The following ESRRG variants were observed in gnomAD, a reference collection of about 807,000 sequenced individuals.
The protein encoded by ESRRG is estrogen-related receptor gamma.
In ESRRG, 13 loss-of-function variants were observed where a neutral mutation model predicts 44.0. The ratio of observed to expected loss-of-function variants is 0.30; its 90% CI spans 0.19 to 0.47. The LOEUF is 0.47. Ranked by LOEUF, ESRRG falls within the 20% of genes least tolerant of loss-of-function variation. The pLI is 1.00. For missense variants in ESRRG, 395 were observed against 580.6 expected, an observed-to-expected ratio of 0.68 and a Z score of 3.29; for synonymous variants, 215 against 214.6, an observed-to-expected ratio of 1.00 and a Z score of -0.02.
At chr1:216,534,156 G>T (rs2050207853) in intron 5 of ESRRG, among the ~76,000 whole-genome samples, 1 of 152,146 alleles carries the variant, frequency 6.6e-6, no homozygotes, top group Non-Finnish European at 1.5e-5. Flanking sequence ...CTTGGGAAAG[G>T]TAGTTGCTCC....
At chr1:216,809,334 A>G (rs933388906) in intron 2 of ESRRG, among the ~76,000 whole-genome samples, 2 of 151,634 alleles carry the variant, frequency 1.3e-5, no homozygotes, top group African/African-American at 4.8e-5. Context: ...GTAAAAAAAA[A>G]AAAAAAAAAA....
chr1:216,580,363 A>T (rs2062523849), intron 3 of ESRRG, among the ~76,000 whole-genome samples: 1 of 152,194 alleles, frequency 6.6e-6, no homozygotes, highest in South Asian at 2.1e-4. Context: ...AGTATAGAAA[A>T]CTTGAAGATA....
intron 1 of ESRRG, among the ~76,000 whole-genome samples, chr1:216,704,280 G>A (rs369680160): frequency 2.0e-5 from 3 of 152,264 alleles, no homozygotes; most frequent in South Asian, 2.1e-4. Context: ...TTGGAAGGCC[G>A]AGGCGGGTGG....
At chr1:216,940,460 C>T (rs1301713309) in intron 1 of ESRRG, among the ~76,000 whole-genome samples, 2 of 152,188 alleles carry the variant, frequency 1.3e-5, no homozygotes, top group African/African-American at 4.8e-5. Context: ...CTGTGCCGAA[C>T]TTGCAGCTCA....
intron 1 of ESRRG, among the ~76,000 whole-genome samples, chr1:217,109,677 C>T (rs545254998): frequency 6.6e-6 from 1 of 152,272 alleles, no homozygotes; most frequent in South Asian, 2.1e-4. Context: ...CTTCACCTGC[C>T]CCACCTGCTC....
At chr1:216,906,787 C>T (rs922644092) in intron 2 of ESRRG, among the ~76,000 whole-genome samples, 5 of 152,132 alleles carry the variant, frequency 3.3e-5, no homozygotes, top group Non-Finnish European at 5.9e-5. Context: ...TATAGAACTT[C>T]GCTTTCTCTT....
At chr1:216,947,938 G>A (rs2066321855) in intron 1 of ESRRG, among the ~76,000 whole-genome samples, 1 of 152,046 alleles carries the variant, frequency 6.6e-6, no homozygotes, top group Non-Finnish European at 1.5e-5. Context: ...TATCCCATAT[G>A]GTCTCCTTTT....
Position 216,941,351 on chromosome 1 carries a change from T to C in ESRRG, c.-105-1678A>G, listed in dbSNP as rs369768622. Among the ~76,000 whole-genome samples the C allele has an allele frequency of 7.2e-5, 11 of 152,292 alleles. No homozygotes were observed. In the South Asian group the frequency reaches 1.7e-3, roughly 23 times the overall value. On this transcript the variant is annotated intron_variant, in intron 1 of 7. Coordinates refer to the ESRRG transcript ENST00000359162. ...CTTCAGGTGCTGATTTCAACAGTTA[T>C]ATGGCTGCTTTCTGTGTAATATTGC...
At chr1:216,977,681 C>A (rs574983426) in intron 1 of ESRRG, among the ~76,000 whole-genome samples, 84 of 152,234 alleles carry the variant, frequency 5.5e-4, no homozygotes, top group Non-Finnish European at 7.5e-4. Flanking sequence ...TCTGCAACAT[C>A]CTGCATTGGT....
intron 1 of ESRRG, among the ~76,000 whole-genome samples, chr1:216,962,319 T>C (rs957424091): frequency 6.6e-6 from 1 of 151,688 alleles, no homozygotes; most frequent in Non-Finnish European, 1.5e-5. Context: ...CAACTAGGAA[T>C]CTCTGGTCAA....
At chr1:216,730,757 A>G (rs2088610623) in intron 2 of ESRRG, among the ~76,000 whole-genome samples, 1 of 152,190 alleles carries the variant, frequency 6.6e-6, no homozygotes, top group Admixed American at 6.5e-5. Flanking sequence ...AAGAGATAAG[A>G]TGATTGGAAA....
At chr1:217,037,657 G>A (rs768451833) in intron 1 of ESRRG, among the ~76,000 whole-genome samples, 1 of 151,898 alleles carries the variant, frequency 6.6e-6, no homozygotes, top group East Asian at 1.9e-4. Context: ...AACCAATCAC[G>A]CCATCCCAAT....
At chr1:217,074,292 AC>A (rs1457721939) in intron 1 of ESRRG, among the ~76,000 whole-genome samples, 3 of 151,612 alleles carry the variant, frequency 2.0e-5, no homozygotes, top group African/African-American at 7.2e-5. Context: ...CAGATGATCC[AC>A]CCACTTTGGC....
chr1:216,728,739 G>A (rs548693959), intron 2 of ESRRG, among the ~76,000 whole-genome samples: 75 of 151,046 alleles, frequency 5.0e-4, no homozygotes, highest in African/African-American at 1.7e-3. Context: ...AAATTTAAAA[G>A]CTCCCTTTTC....
chr1:216,694,041 A>G (rs1489188206), intron 1 of ESRRG, among the ~76,000 whole-genome samples: 1 of 152,070 alleles, frequency 6.6e-6, no homozygotes, highest in Non-Finnish European at 1.5e-5. Context: ...AAACCCAAAA[A>G]CCTGCTGTGT....
intron 1 of ESRRG, among the ~76,000 whole-genome samples, chr1:216,940,836 C>T (rs2065102913): frequency 6.6e-6 from 1 of 152,158 alleles, no homozygotes; most frequent in South Asian, 2.1e-4. Flanking sequence ...CCAAATTCCC[C>T]CTACACCCAG....
intron 2 of ESRRG, among the ~76,000 whole-genome samples, chr1:216,889,675 T>C (rs1308734282): frequency 1.3e-5 from 2 of 152,222 alleles, no homozygotes; most frequent in Non-Finnish European, 2.9e-5. Flanking sequence ...CAGGTATTTA[T>C]AGTTTTAACA....
chr1:216,753,102 T>C (rs1449783553), intron 2 of ESRRG, among the ~76,000 whole-genome samples: 2 of 151,886 alleles, frequency 1.3e-5, no homozygotes, highest in Non-Finnish European at 1.5e-5. Context: ...GCTGTCTTTG[T>C]AACCTATAAG....
chr1:216,599,065 T>C lies in ESRRG; in HGVS notation c.590-30967A>G, dbSNP rs935382956. 4.6e-5 allele frequency among the ~76,000 whole-genome samples: 7 copies of C among 152,284 alleles called. No homozygotes were observed. In the South Asian group the frequency reaches 8.3e-4, roughly 18 times the overall value. On this transcript the variant is annotated intron_variant, in intron 3 of 6. Transcript: ENST00000408911. ...TGGTACATGTAGTTAAAAAAGAAGA[T>C]TATCTGAAGGAGATTGGTTGCAAAT...
Sources: allele counts gnomAD v4.1 joint callset (sites outside exome capture counted in the v4.1 genomes callset), GRCh38; gene constraint gnomAD v4.1.1; transcripts MANE v1.5; gene names NCBI Gene and HGNC (gene_info 2026-07-23, HGNC 2026-07-21).